The following TEX264 variants were observed in gnomAD, a reference collection of about 807,000 sequenced individuals.
The protein encoded by TEX264 is testis expressed 264, ER-phagy receptor, also known as testis-expressed protein 264.
Under a neutral mutation model 23.4 loss-of-function variants are expected in TEX264, and 13 were observed. The observed-to-expected ratio is 0.56, with a 90% CI of 0.36 to 0.88. The LOEUF (loss-of-function observed/expected upper bound fraction) is 0.88, where lower values mean the gene tolerates loss of function less well. TEX264 is among the 40% of genes least tolerant of loss of function. TEX264 has a pLI of 0.01. For missense variants in TEX264, 340 were observed against 406.8 expected (o/e 0.84, Z 1.41); for synonymous variants, 159 against 170.0 (o/e 0.94, Z 0.50).
In TEX264 at chr3:51,703,591, G is replaced by T; in HGVS notation, c.650-133G>T. The T allele has an allele frequency of 2.4e-6, 2 of 845,696 alleles. No homozygotes were observed. Among genetic ancestry groups the T allele is most frequent in the Non-Finnish European group, 3.6e-6 (2 of 551,036 alleles). The allele number at this position is 845,696 out of a possible 1,614,324, so 52.4% of individuals were successfully genotyped here. Reference sequence around the variant, plus strand: ...AGCCCCAGTCAGGGTAGAGGGCAGAGGGCAGCTGGAGCAAGCCCCCTGAGC... The same window carrying T: ...AGCCCCAGTCAGGGTAGAGGGCAGATGGCAGCTGGAGCAAGCCCCCTGAGC... On this transcript the variant is annotated intron_variant, in intron 4 of 4. Coordinates refer to ENST00000341333, the MANE Select transcript of TEX264 (RefSeq NM_015926.6). This position sits in a 1 kb window ranked among gnomAD's most constrained non-coding sequence, Gnocchi z 4.8.
intron 2 of TEX264, chr3:51,682,284 CAA>C (rs1702454217): frequency 6.6e-6 from 1 of 152,088 alleles, no homozygotes; most frequent in African/African-American, 2.4e-5. Context: ...CATCTAGAGA[CAA>C]GAGATGGTAT....
In TEX264 at chr3:51,703,694, C is replaced by A. The variant is rs1245708559; in HGVS notation, c.650-30C>A. The A allele has an allele frequency of 3.9e-6, 6 of 1,552,430 alleles. No homozygotes were observed. The highest frequency in any genetic ancestry group is 1.4e-5 in the African/African-American group (1 of 73,644). The stretch of plus-strand genomic sequence containing the variant: ...GGAGGAGGGGGTGGGGTGGTCCTAG[C>A]TAACCTGTGCTCCCTTTTCCTGGTC... On this transcript the variant is annotated intron_variant, in intron 4 of 4. Transcript: ENST00000341333. The surrounding 1 kb of genome is among the most constrained non-coding windows in gnomAD (Gnocchi z 4.8).
chr3:51,693,818 A>G (rs531691979), intron 3 of TEX264, among the ~76,000 whole-genome samples: 166 of 152,260 alleles, frequency 1.1e-3, no homozygotes, highest in African/African-American at 3.9e-3. Context: ...GTTGCACAGA[A>G]AAATGGGCTG....
At chr3:51,674,929 A>G (rs899064092) in intron 2 of TEX264, among the ~76,000 whole-genome samples, 5 of 152,172 alleles carry the variant, frequency 3.3e-5, no homozygotes, top group Non-Finnish European at 5.9e-5. Flanking sequence ...AGGCCAGGCC[A>G]TTCAGATTCT....
intron 3 of TEX264, among the ~76,000 whole-genome samples, chr3:51,692,466 A>T (rs980737773): frequency 2.0e-5 from 3 of 152,082 alleles, no homozygotes; most frequent in African/African-American, 4.8e-5. Flanking sequence ...CCAGTTGGAG[A>T]TGAGAAATTC....
intron 1 of TEX264, among the ~76,000 whole-genome samples, chr3:51,673,830 C>T (rs1702136485): frequency 6.6e-6 from 1 of 152,174 alleles, no homozygotes; most frequent in African/African-American, 2.4e-5. Context: ...GCAGTCGTCC[C>T]TGAGGCTTGG....
chr3:51,672,022 G>C (rs1702063141), intron 1 of TEX264: 1 of 152,326 alleles, frequency 6.6e-6, no homozygotes, highest in Non-Finnish European at 1.5e-5. Flanking sequence ...TGTGATTGGA[G>C]TACTCCAGGA....
chr3:51,677,474 C>T (rs1702270144), intron 2 of TEX264, among the ~76,000 whole-genome samples: 1 of 152,116 alleles, frequency 6.6e-6, no homozygotes, highest in Non-Finnish European at 1.5e-5. Flanking sequence ...CTTCCCTAGC[C>T]CAGAGTGACA....
intron 3 of TEX264, among the ~76,000 whole-genome samples, chr3:51,693,639 C>T (rs1702913388): frequency 6.6e-6 from 1 of 152,058 alleles, no homozygotes; most frequent in South Asian, 2.1e-4. Flanking sequence ...GACACCACGC[C>T]CAGCTAATTT....
chr3:51,696,966 T>C (rs1435347758), intron 3 of TEX264, among the ~76,000 whole-genome samples: 1 of 152,154 alleles, frequency 6.6e-6, no homozygotes, highest in African/African-American at 2.4e-5. Flanking sequence ...GACCTGGTGC[T>C]CCCTGTGTGA....
intron 3 of TEX264, among the ~76,000 whole-genome samples, chr3:51,695,213 T>C (rs1427007465): frequency 6.6e-6 from 1 of 152,262 alleles, no homozygotes; most frequent in African/African-American, 2.4e-5. Flanking sequence ...TAGATAGGAC[T>C]GGGTAGCTCA....
intron 2 of TEX264, among the ~76,000 whole-genome samples, chr3:51,676,397 G>A (rs1330316588): frequency 6.6e-6 from 1 of 152,230 alleles, no homozygotes; most frequent in African/African-American, 2.4e-5. Context: ...GATGGAAGAA[G>A]CCTGGCATGG....
At chr3:51,682,395 C>T in intron 2 of TEX264, 1 of 152,302 alleles carries the variant, frequency 6.6e-6, no homozygotes, top group Non-Finnish European at 1.5e-5. Context: ...AGAAAGTTTA[C>T]AGCAAAATAC....
At chr3:51,671,509 C>G (rs1167825180) in intron 1 of TEX264, 2 of 154,708 alleles carry the variant, frequency 1.3e-5, no homozygotes, top group African/African-American at 4.8e-5. Flanking sequence ...AGCCCACTTC[C>G]GCGGCCACCG....
In TEX264 at chr3:51,699,453, C is replaced by T. The variant is rs751163484; in HGVS notation, c.528C>T (p.Asp176=). The change falls in exon 4 of 5, where the codon GAC becomes GAT. Residue 176 remains aspartate (D), a synonymous_variant. Coordinates refer to ENST00000341333, the MANE Select transcript of TEX264 (RefSeq NM_015926.6). The stretch of plus-strand genomic sequence containing the variant: ...CTCGGCTGGAGATCTACCAGGAAGA[C>T]CAGATCCATTTCATGTGCCCACTGG... ...AYPRLEIYQE[D]QIHFMCPLAR... is the part of the protein sequence containing the mutation. 1.2e-6 allele frequency: 2 copies of T among 1,614,114 alleles called. No individual in the cohort carries two copies. Among genetic ancestry groups the T allele is most frequent in the Non-Finnish European group, 1.7e-6 (2 of 1,179,946 alleles).
intron 2 of TEX264, chr3:51,683,748 G>T (rs1702511998): frequency 6.6e-6 from 1 of 152,374 alleles, no homozygotes; most frequent in South Asian, 2.1e-4. Context: ...GCTTCCTGCA[G>T]CCCCTCCTCA....
chr3:51,699,497 A>T lies in TEX264; in HGVS notation c.572A>T (p.Tyr191Phe). The T allele has an allele frequency of 6.2e-7, 1 of 1,614,118 alleles. No individual in the cohort carries two copies. Among genetic ancestry groups the T allele is most frequent in the Non-Finnish European group, 8.5e-7 (1 of 1,179,954 alleles). ...CCACTGGCACGGCAGGGAGACTTCT[A>T]TGTGCCTGAGATGAAGGAGACAGAG... ...MCPLARQGDF[Y>F]VPEMKETEWK... is the part of the protein sequence containing the mutation. The change falls in exon 4 of 5, where the codon TAT (tyrosine) becomes TTT (phenylalanine). Residue 191 changes from tyrosine to phenylalanine, a missense_variant. Physicochemically the swap from Tyr to Phe is conservative, Grantham distance 22. Coordinates refer to ENST00000341333, the MANE Select transcript of TEX264 (RefSeq NM_015926.6).
At chr3:51,688,862 C>T (rs1702722490) in intron 3 of TEX264, among the ~76,000 whole-genome samples, 1 of 152,122 alleles carries the variant, frequency 6.6e-6, no homozygotes. Context: ...TGTGGTGGCT[C>T]ATGCCTGTAA....
chr3:51,682,398 C>G, intron 2 of TEX264: 1 of 152,158 alleles, frequency 6.6e-6, no homozygotes, highest in Admixed American at 6.5e-5. Flanking sequence ...AAGTTTACAG[C>G]AAAATACTGG....
Sources: gnomAD v4.1 joint callset for allele counts (sites outside exome capture counted in the v4.1 genomes callset) on GRCh38, gnomAD v4.1.1 for gene constraint, Gnocchi (gnomAD v3.1) non-coding constraint, MANE v1.5 for transcripts, NCBI Gene and HGNC (gene_info 2026-07-23, HGNC 2026-07-21) for gene names.